CASTOR1: variants seen among roughly 807,000 people sequenced by gnomAD.
CASTOR1 encodes the protein GATS protein like 3.
In CASTOR1, 18 loss-of-function variants were observed where a neutral mutation model predicts 33.7. The ratio of observed to expected loss-of-function variants is 0.53; its 90% CI spans 0.37 to 0.79. The LOEUF (loss-of-function observed/expected upper bound fraction) is 0.79. Among genes scored for constraint, CASTOR1 ranks in the 30% least tolerant of loss-of-function variants. CASTOR1 has a pLI of 0.00. For synonymous variants in CASTOR1, 175 were observed against 190.6 expected (o/e 0.92, Z 0.67); for missense variants, 362 against 446.3 (o/e 0.81, Z 1.70).
At position 30,288,792 on chromosome 22, in the gene CASTOR1, G is replaced by T. The variant is rs189378288; in HGVS notation, c.114-16C>A. The T allele has an allele frequency of 1.1e-3, 1,821 of 1,605,140 alleles. 30 individuals are homozygous for T. The South Asian group carries it at 0.015, about 13-fold the overall frequency. ...GAACTTGCACCTGGTTGGGGGTGGG[G>T]AGCATCTTCAGCTTGGTGTGGAGAA... is the stretch of plus-strand genomic sequence containing the variant. On this transcript the variant is annotated splice_polypyrimidine_tract_variant and intron_variant, in intron 1 of 8. Transcript: ENST00000407689.
chr22:30,288,430 G>A (rs1929839047), intron 2 of CASTOR1, among the ~76,000 whole-genome samples: 1 of 152,184 alleles, frequency 6.6e-6, no homozygotes, highest in Admixed American at 6.5e-5. Flanking sequence ...ACTGCTGAGT[G>A]CCCCTCAGCG....
In CASTOR1 at chr22:30,285,917, CCA is replaced by C; in HGVS notation, c.834_835del (p.Cys278TrpfsTer14). The C allele has an allele frequency of 1.2e-6, 2 of 1,604,506 alleles. No homozygotes were observed. Among genetic ancestry groups the C allele is most frequent in the Non-Finnish European group, 1.7e-6 (2 of 1,176,184 alleles). Reference sequence around the variant, plus strand: ...GGGACCTGCAATCTGTGCCACGATGCCACATTCATCTGAGGGTGGTGGAGGAA... The same window carrying C: ...GGGACCTGCAATCTGTGCCACGATGCCATTCATCTGAGGGTGGTGGAGGAA... On this transcript the variant is annotated frameshift_variant, in exon 8 of 9. Coordinates refer to ENST00000407689, the MANE Select transcript of CASTOR1 (RefSeq NM_001037666.3). LOFTEE classifies it high-confidence loss of function.
intron 1 of CASTOR1, 28 bp downstream of exon 1, chr22:30,289,357 A>T (rs1032181213): frequency 4.7e-6 from 7 of 1,500,924 alleles, no homozygotes; most frequent in African/African-American, 4.2e-5. Flanking sequence ...CCCAGCCCCT[A>T]TCTGCGCTCC....
chr22:30,286,951 G>C lies in CASTOR1; in HGVS notation c.506-3C>G. 1 of 1,609,076 alleles carries C rather than the reference G, an allele frequency of 6.2e-7. No individual in the cohort carries two copies. ...GGGATGCACCGTGGGGCTGGGCCCT[G>C]CTGGAGGACAGCAGCAGGTGAAAAG... On this transcript the variant is annotated splice_polypyrimidine_tract_variant and splice_region_variant and intron_variant, in intron 4 of 8. Transcript: ENST00000407689.
chr22:30,285,668 G>A lies in CASTOR1; in HGVS notation c.942C>T (p.Gly314=). Reference sequence around the variant, plus strand: ...GCCGCTGGAGGACCTCGATGACGCTGCCGATACCGTCCTCGGGCACCTGAG... The same window carrying A: ...GCCGCTGGAGGACCTCGATGACGCTACCGATACCGTCCTCGGGCACCTGAG... ...DHALVPEDGI[G]SVIEVLQRRQ... is the part of the protein sequence containing the mutation. The change falls in exon 9 of 9, where the codon GGC becomes GGT. Residue 314 remains glycine, a synonymous_variant. Transcript: ENST00000407689. 1.3e-6 allele frequency: 2 copies of A among 1,571,696 alleles called. No homozygotes were observed. Among genetic ancestry groups the A allele is most frequent in the Non-Finnish European group, 1.7e-6 (2 of 1,159,142 alleles).
rs746789044 is a variant in CASTOR1 at position 30,289,417 on chromosome 22, G to C, written c.81C>G (p.Leu27=). 1 of 1,599,300 alleles carries C rather than the reference G, an allele frequency of 6.3e-7. No individual in the cohort carries two copies. The highest frequency in any genetic ancestry group is 1.1e-5 in the South Asian group (1 of 90,140). ...GGCGGGGCAGGAAGAGCAGCTTGAT[G>C]AGCGGGTGGGTGTAGAGCCAGAGAC... ...RPGLWLYTHP[L]IKLLFLPRRS... Residue 27 remains leucine (L), a synonymous_variant, in exon 1 of 9, where the codon CTC becomes CTG. Transcript: ENST00000407689.
intron 2 of CASTOR1, chr22:30,287,954 C>T (rs903359686): frequency 1.1e-5 from 5 of 467,242 alleles, no homozygotes; most frequent in African/African-American, 9.9e-5. Context: ...AGGGGGCATT[C>T]GCAGATCAGG....
rs867204484 is a variant in CASTOR1, at chr22:30,287,938, A to T, written c.185-378T>A. 94 of 484,722 alleles carry T rather than the reference A, an allele frequency of 1.9e-4. 1 individual carries two copies. In the Middle Eastern group the frequency reaches 7.8e-3, roughly 40 times the overall value. The allele number at this position is 484,722 out of a possible 1,614,324, so 30.0% of individuals were successfully genotyped here. ...TAGCAGAAGCTTTGTACCACATGGC[A>T]CCACCAGGGGGCATTCGCAGATCAG... On this transcript the variant is annotated intron_variant, in intron 2 of 8. Transcript: ENST00000407689.
rs767361316 is a variant in CASTOR1, at chr22:30,287,098, G to T, written c.505+57C>A. On this transcript the variant is annotated intron_variant, in intron 4 of 8. Transcript: ENST00000407689. Reference sequence around the variant, plus strand: ...CCCCACTGGGGCCCAAAAGGGAAGGGACCCAGTGGGAAGAGGAGGCCCTGC... The same window carrying T: ...CCCCACTGGGGCCCAAAAGGGAAGGTACCCAGTGGGAAGAGGAGGCCCTGC... 3 of 1,565,398 alleles carry T rather than the reference G, an allele frequency of 1.9e-6. No homozygotes were observed. The African/African-American group carries it at 4.1e-5, about 21-fold the overall frequency.
rs1191330397 is a variant in CASTOR1 at position 30,287,233 on chromosome 22, T to C, written c.427A>G (p.Ile143Val). 1 of 1,592,804 alleles carries C rather than the reference T, an allele frequency of 6.3e-7. No homozygotes were observed. Among genetic ancestry groups the C allele is most frequent in the Admixed American group, 1.7e-5 (1 of 58,288 alleles). Residue 143 changes from isoleucine (I) to valine (V), a missense_variant, in exon 4 of 9, where the codon ATT becomes GTT. By Grantham distance (29) the Ile-to-Val change is conservative. Transcript: ENST00000407689. ...VIHTLAQEFDIYREVGGEPVP... is the reference protein window; with the variant it reads ...VIHTLAQEFDVYREVGGEPVP... ...GGCTCTCCGCCCACCTCGCGGTAAA[T>C]GTCGAACTCCTGGGCCAGCGTGTGG...
Position 30,286,388 on chromosome 22 carries a change from T to A in CASTOR1, c.630-12A>T. On this transcript the variant is annotated splice_polypyrimidine_tract_variant and intron_variant, in intron 5 of 8. Coordinates refer to ENST00000407689, the MANE Select transcript of CASTOR1 (RefSeq NM_001037666.3). ...CCTCCTTGGGGGTGCTGGGGAGGGATGGGAGGTTTAGGGGCTCTACCAGGC... is the reference window on the plus strand; with the variant it reads ...CCTCCTTGGGGGTGCTGGGGAGGGAAGGGAGGTTTAGGGGCTCTACCAGGC... 1 of 1,586,076 alleles carries A rather than the reference T, an allele frequency of 6.3e-7. No homozygotes were observed. Among genetic ancestry groups the A allele is most frequent in the Non-Finnish European group, 8.7e-7 (1 of 1,155,196 alleles).
Position 30,285,157 on chromosome 22 carries a change from A to T in CASTOR1, c.*463T>A, listed in dbSNP as rs191467686. 6.4e-6 allele frequency: 1 copy of T among 155,616 alleles called. No homozygotes were observed. Among genetic ancestry groups the T allele is most frequent in the Admixed American group, 6.5e-5 (1 of 15,362 alleles). 9.6% of individuals were successfully genotyped at this position (155,616 alleles called of 1,614,324 possible). A position where few individuals can be genotyped will look rare whatever the true frequency, so the allele number is the denominator to read the frequency against. ...TTTATTAACAAGTCAATAAAAACAG[A>T]AGAGAGAGAGATGTCAAAATACTTT... On this transcript the variant is annotated 3_prime_UTR_variant, in exon 9 of 9. Coordinates refer to ENST00000407689, the MANE Select transcript of CASTOR1 (RefSeq NM_001037666.3).
chr22:30,286,202 C>T, intron 6 of CASTOR1, 61 bp downstream of exon 6: 1 of 1,463,190 alleles, frequency 6.8e-7, no homozygotes. Context: ...TGATGCCCCA[C>T]CTCCTCCCTG....
In CASTOR1 at chr22:30,286,025, G is replaced by A; in HGVS notation, c.817C>T (p.Leu273=). The change falls in exon 7 of 9, where the codon CTG becomes TTG. Residue 273 remains leucine, a synonymous_variant. Transcript: ENST00000407689. ...WRMVRIGGQP[L]GFDECGIVAQ... ...CGGGAACAGCCCTCACCAAAGCCCA[G>A]GGGCTGTCCACCGATGCGCACCATC... The A allele has an allele frequency of 6.3e-7, 1 of 1,596,448 alleles. No individual in the cohort carries two copies. Among genetic ancestry groups the A allele is most frequent in the Non-Finnish European group, 8.5e-7 (1 of 1,170,960 alleles).
chr22:30,286,345 C>G lies in CASTOR1; in HGVS notation c.661G>C (p.Glu221Gln). Residue 221 changes from glutamate to glutamine, a missense_variant, in exon 6 of 9, where the codon GAA becomes CAA. Coordinates refer to ENST00000407689, the MANE Select transcript of CASTOR1 (RefSeq NM_001037666.3). Reference protein sequence around the residue: ...TPKEAASSSPEPSSITFFAFS... With the variant: ...TPKEAASSSPQPSSITFFAFS... Reference sequence around the variant, plus strand: ...GCAAAGAACGTGATGGAGCTGGGTTCAGGACTGCTAGAGGCTGCCTCCTTG... The same window carrying G: ...GCAAAGAACGTGATGGAGCTGGGTTGAGGACTGCTAGAGGCTGCCTCCTTG... The G allele has an allele frequency of 6.2e-7, 1 of 1,614,026 alleles. No homozygotes were observed. Among genetic ancestry groups the G allele is most frequent in the Non-Finnish European group, 8.5e-7 (1 of 1,179,962 alleles).
chr22:30,285,306 A>T lies in CASTOR1; in HGVS notation c.*314T>A. On this transcript the variant is annotated 3_prime_UTR_variant, in exon 9 of 9. Coordinates refer to ENST00000407689, the MANE Select transcript of CASTOR1 (RefSeq NM_001037666.3). ...CCAGGAAGCCTTTGGGGAATGGCTC[A>T]GGCCTCAGGCAGGGACTGTGCAAAC... 4.1e-6 allele frequency: 1 copy of T among 245,044 alleles called. No individual in the cohort carries two copies. Among genetic ancestry groups the T allele is most frequent in the Non-Finnish European group, 7.9e-6 (1 of 127,272 alleles). The allele number at this position is 245,044 out of a possible 1,614,324, so 15.2% of individuals were successfully genotyped here.
chr22:30,289,305 G>A lies in CASTOR1; in HGVS notation c.113+80C>T, dbSNP rs771938820. The A allele has an allele frequency of 3.3e-5, 35 of 1,070,222 alleles. No individual in the cohort carries two copies. In the Middle Eastern group the frequency reaches 8.0e-4, roughly 24 times the overall value. The allele number at this position is 1,070,222 out of a possible 1,614,324, so 66.3% of individuals were successfully genotyped here. A position where few individuals can be genotyped will look rare whatever the true frequency, so the allele number is the denominator to read the frequency against. On this transcript the variant is annotated intron_variant, in intron 1 of 8. Transcript: ENST00000407689. ...CCCGCCTGCCTGCCTGCCTTACGGCGATCCTAATCCTCCGACCCTGGCCCG... is the reference window on the plus strand; with the variant it reads ...CCCGCCTGCCTGCCTGCCTTACGGCAATCCTAATCCTCCGACCCTGGCCCG...
At chr22:30,286,779 G>A (rs748841543) in intron 5 of CASTOR1, 46 bp downstream of exon 5, 5 of 1,612,454 alleles carry the variant, frequency 3.1e-6, no homozygotes, top group Non-Finnish European at 4.2e-6. Context: ...GGGACAGAGT[G>A]TAGGGAACAG....
chr22:30,286,399 G>T (rs755769644), intron 5 of CASTOR1, 23 bp from the exon 6 acceptor site: 2 of 1,528,738 alleles, frequency 1.3e-6, no homozygotes, highest in East Asian at 2.3e-5. Context: ...GGGAGGTTTA[G>T]GGGCTCTACC....
Sources: gnomAD v4.1 joint callset for allele counts (sites outside exome capture counted in the v4.1 genomes callset) on GRCh38, gnomAD v4.1.1 for gene constraint, MANE v1.5 for transcripts, NCBI Gene and HGNC (gene_info 2026-07-23, HGNC 2026-07-21) for gene names.